Variants in AUTS2 observed in about 807,000 individuals in gnomAD.
AUTS2 encodes autism susceptibility gene 2 protein.
A neutral mutation model predicts 112.4 loss-of-function variants in AUTS2; 17 were observed. The observed-to-expected ratio is 0.15, with a 90% CI of 0.10 to 0.23. The LOEUF is 0.23. AUTS2 is among the 10% of genes least tolerant of loss of function. The pLI is 1.00. For missense variants in AUTS2, 1,510 were observed against 1,701.6 expected (o/e 0.89, Z 1.98); for synonymous variants, 751 against 702.7 (o/e 1.07, Z -1.09).
chr7:69,815,401 T>C (rs1790714759), intron 1 of AUTS2, among the ~76,000 whole-genome samples: 1 of 152,174 alleles, frequency 6.6e-6, no homozygotes, highest in Non-Finnish European at 1.5e-5. Flanking sequence ...GATTGAGGTA[T>C]TGGAAACAAC....
chr7:70,372,904 C>T (rs560315614), intron 4 of AUTS2, among the ~76,000 whole-genome samples: 13 of 151,970 alleles, frequency 8.6e-5, no homozygotes, highest in Admixed American at 2.0e-4. Context: ...GGGGGAAGGG[C>T]GAGGGTCTGC....
At chr7:69,693,418 A>G (rs1797428221) in intron 1 of AUTS2, among the ~76,000 whole-genome samples, 1 of 152,218 alleles carries the variant, frequency 6.6e-6, no homozygotes, top group African/African-American at 2.4e-5. Flanking sequence ...TGGAAACATG[A>G]TAATTTTTTC....
intron 4 of AUTS2, among the ~76,000 whole-genome samples, chr7:70,266,710 T>C (rs1181931900): frequency 6.6e-6 from 1 of 152,170 alleles, no homozygotes; most frequent in Admixed American, 6.5e-5. Flanking sequence ...GGTATGCAAT[T>C]ATACCTCAAT....
At chr7:70,607,653 T>C (rs1260241812) in intron 5 of AUTS2, among the ~76,000 whole-genome samples, 3 of 152,226 alleles carry the variant, frequency 2.0e-5, no homozygotes, top group African/African-American at 7.2e-5. Context: ...GCGTGCAAGA[T>C]ACTGCCACAC....
chr7:70,705,797 T>C (rs1441696305), intron 6 of AUTS2, among the ~76,000 whole-genome samples: 1 of 152,162 alleles, frequency 6.6e-6, no homozygotes, highest in Non-Finnish European at 1.5e-5. Context: ...CCTCTGGGTC[T>C]CCTCCTACAA....
chr7:70,441,141 A>G (rs1455809883), intron 5 of AUTS2, among the ~76,000 whole-genome samples: 3 of 152,110 alleles, frequency 2.0e-5, no homozygotes, highest in Non-Finnish European at 4.4e-5. Flanking sequence ...CACATACACA[A>G]TCTCACAGAA....
rs1794174496 is a variant in AUTS2 at position 70,398,302 on chromosome 7, A to G, written c.661-37450A>G. On this transcript the variant is annotated intron_variant, in intron 4 of 18. Transcript: ENST00000342771. ...ATATTTCCATATGAATTTTAGAATCAGCTTGTCAACTTGTATGGAATCTAT... is the reference window on the plus strand; with the variant it reads ...ATATTTCCATATGAATTTTAGAATCGGCTTGTCAACTTGTATGGAATCTAT... Among the ~76,000 whole-genome samples the G allele has an allele frequency of 1.3e-5, 2 of 152,214 alleles. 1 individual carries two copies. Among genetic ancestry groups the G allele is most frequent in the South Asian group, 4.1e-4 (2 of 4,834 alleles).
intron 4 of AUTS2, among the ~76,000 whole-genome samples, chr7:70,271,592 T>G (rs1379948154): frequency 6.6e-6 from 1 of 152,216 alleles, no homozygotes; most frequent in Admixed American, 6.5e-5. Flanking sequence ...CCTAAATGAT[T>G]ATTCCAGAAA....
chr7:69,870,969 T>C (rs1298595826), intron 1 of AUTS2, among the ~76,000 whole-genome samples: 2 of 152,206 alleles, frequency 1.3e-5, no homozygotes, highest in Non-Finnish European at 2.9e-5. Context: ...AATCACTGAA[T>C]TTATACAGTT....
At chr7:70,158,998 C>T (rs993260463) in intron 4 of AUTS2, among the ~76,000 whole-genome samples, 2 of 152,120 alleles carry the variant, frequency 1.3e-5, no homozygotes, top group Non-Finnish European at 2.9e-5. Context: ...TTTCAGGAAA[C>T]TCTTGATAAA....
intron 1 of AUTS2, among the ~76,000 whole-genome samples, chr7:69,606,312 G>C (rs767657322): frequency 6.6e-6 from 1 of 152,096 alleles, no homozygotes; most frequent in Non-Finnish European, 1.5e-5. Flanking sequence ...GAGGTCCCCA[G>C]ATGGACACAA....
At chr7:69,662,205 A>G (rs1415552983) in intron 1 of AUTS2, among the ~76,000 whole-genome samples, 4 of 147,258 alleles carry the variant, frequency 2.7e-5, no homozygotes, top group Non-Finnish European at 4.5e-5. Flanking sequence ...TTAACAGTTG[A>G]TTTGACTTTT....
At position 70,205,969 on chromosome 7, in the gene AUTS2, T is replaced by C. The variant is rs373957632; in HGVS notation, c.660+71398T>C. On this transcript the variant is annotated intron_variant, in intron 4 of 18. Coordinates refer to ENST00000342771, the MANE Select transcript of AUTS2 (RefSeq NM_015570.4). ...AATAAGTCTTATCTTGAACTGAATG[T>C]ATGCTAGAGTCAGAATTATAGAGGA... Among the ~76,000 whole-genome samples, 19 of 152,310 alleles carry C rather than the reference T, an allele frequency of 1.2e-4. No homozygotes were observed. The South Asian group carries it at 3.7e-3, about 30-fold the overall frequency.
chr7:69,953,702 C>CT (rs905651616), intron 2 of AUTS2, among the ~76,000 whole-genome samples: 3 of 152,090 alleles, frequency 2.0e-5, no homozygotes, highest in Non-Finnish European at 4.4e-5. Flanking sequence ...GTTAGAAATT[C>CT]TTTTTTTGTA....
At chr7:69,740,143 G>C (rs1787201821) in intron 1 of AUTS2, among the ~76,000 whole-genome samples, 1 of 152,202 alleles carries the variant, frequency 6.6e-6, no homozygotes, top group South Asian at 2.1e-4. Flanking sequence ...GTCTGGCCCT[G>C]CTTGCATCCT....
chr7:70,255,381 C>T (rs1167830576), intron 4 of AUTS2, among the ~76,000 whole-genome samples: 2 of 152,094 alleles, frequency 1.3e-5, no homozygotes, highest in Non-Finnish European at 2.9e-5. Flanking sequence ...CACGAAATTA[C>T]CTTTAAAAAG....
chr7:70,243,293 A>G (rs1812728360), intron 4 of AUTS2, among the ~76,000 whole-genome samples: 1 of 150,040 alleles, frequency 6.7e-6, no homozygotes. Context: ...GAGTATATAT[A>G]TAATATATGT....
chr7:70,594,506 C>T (rs1803099287), intron 5 of AUTS2, among the ~76,000 whole-genome samples: 1 of 152,164 alleles, frequency 6.6e-6, no homozygotes, highest in African/African-American at 2.4e-5. Context: ...GCCTCAAATG[C>T]TGAGTGCTGC....
intron 6 of AUTS2, among the ~76,000 whole-genome samples, chr7:70,702,463 C>T (rs1809508358): frequency 6.6e-6 from 1 of 152,202 alleles, no homozygotes; most frequent in Non-Finnish European, 1.5e-5. Flanking sequence ...GTATTTTACC[C>T]CGTGACTTTC....
Sources: gnomAD v4.1 joint callset for allele counts (sites outside exome capture counted in the v4.1 genomes callset) on GRCh38, gnomAD v4.1.1 for gene constraint, MANE v1.5 for transcripts, NCBI Gene and HGNC (gene_info 2026-07-23, HGNC 2026-07-21) for gene names.